The following FRS2 variants were observed in gnomAD, a reference collection of about 807,000 sequenced individuals.
The protein encoded by FRS2 is FGFR signalling adaptor.
In FRS2, 8 loss-of-function variants were observed where a neutral mutation model predicts 43.9. The ratio of observed to expected loss-of-function variants is 0.18; its 90% CI spans 0.11 to 0.33. The LOEUF (loss-of-function observed/expected upper bound fraction) is 0.33, where lower values mean the gene tolerates loss of function less well. FRS2 is among the 10% of genes least tolerant of loss of function. The pLI is 1.00. For synonymous variants in FRS2, 219 were observed against 220.3 expected, an observed-to-expected ratio of 0.99 and a Z score of 0.05; for missense variants, 534 against 627.6, an observed-to-expected ratio of 0.85 and a Z score of 1.59.
chr12:69,553,099 TCTCA>T (rs746361963), intron 3 of FRS2, among the ~76,000 whole-genome samples: 2 of 151,172 alleles, frequency 1.3e-5, no homozygotes, highest in Non-Finnish European at 2.9e-5. Flanking sequence ...GGAGTCTCAG[TCTCA>T]CTCTGTTGCC....
chr12:69,552,408 A>G (rs1218688043), intron 3 of FRS2, among the ~76,000 whole-genome samples: 1 of 151,928 alleles, frequency 6.6e-6, no homozygotes, highest in African/African-American at 2.4e-5. Flanking sequence ...AGTGACCACC[A>G]TACCTGAGGA....
chr12:69,497,523 C>T (rs1196380088), intron 1 of FRS2, among the ~76,000 whole-genome samples: 1 of 152,160 alleles, frequency 6.6e-6, no homozygotes, highest in Non-Finnish European at 1.5e-5. Flanking sequence ...TTCATGAGAG[C>T]AGAGCCATCT....
intron 1 of FRS2, among the ~76,000 whole-genome samples, chr12:69,487,490 G>A (rs931043018): frequency 1.3e-5 from 2 of 152,134 alleles, no homozygotes; most frequent in Admixed American, 1.3e-4. Context: ...GCCCACTGTT[G>A]AGACCTACTG....
chr12:69,524,232 G>T (rs1024293306), intron 1 of FRS2, among the ~76,000 whole-genome samples: 2 of 152,126 alleles, frequency 1.3e-5, no homozygotes, highest in Non-Finnish European at 2.9e-5. Context: ...TATGGTGGGG[G>T]ATAGGGGACG....
At chr12:69,554,473 A>G (rs527968074) in intron 3 of FRS2, among the ~76,000 whole-genome samples, 1 of 152,338 alleles carries the variant, frequency 6.6e-6, no homozygotes, top group South Asian at 2.1e-4. Flanking sequence ...AAAATTTTGT[A>G]GAATAATTTT....
chr12:69,485,111 A>ACACGCG, intron 1 of FRS2, among the ~76,000 whole-genome samples: 1 of 146,988 alleles, frequency 6.8e-6, no homozygotes, highest in South Asian at 2.2e-4. Flanking sequence ...ACACACACAC[A>ACACGCG]CACACACACA....
chr12:69,568,109 A>T (rs1430050873), intron 4 of FRS2, among the ~76,000 whole-genome samples: 1 of 152,040 alleles, frequency 6.6e-6, no homozygotes, highest in Non-Finnish European at 1.5e-5. Flanking sequence ...GCTCAGTTGG[A>T]GTGTTCTTAA....
chr12:69,499,037 A>G (rs1360425784), intron 1 of FRS2, among the ~76,000 whole-genome samples: 1 of 152,148 alleles, frequency 6.6e-6, no homozygotes. Flanking sequence ...CAAATGATGG[A>G]AATATTACTT....
intron 1 of FRS2, among the ~76,000 whole-genome samples, chr12:69,499,439 C>T (rs1334185227): frequency 6.6e-6 from 1 of 152,060 alleles, no homozygotes; most frequent in Non-Finnish European, 1.5e-5. Flanking sequence ...GGAACTTACT[C>T]ATTTCTACCA....
At chr12:69,508,568 A>G (rs1383253857) in intron 1 of FRS2, among the ~76,000 whole-genome samples, 1 of 152,224 alleles carries the variant, frequency 6.6e-6, no homozygotes, top group Non-Finnish European at 1.5e-5. Context: ...TCTTCTGGTT[A>G]CCTTTCTAAA....
intron 1 of FRS2, among the ~76,000 whole-genome samples, chr12:69,474,432 A>C (rs2053261590): frequency 6.6e-6 from 1 of 152,010 alleles, no homozygotes; most frequent in African/African-American, 2.4e-5. Flanking sequence ...GAAAGAAAAA[A>C]AAAACTTCTG....
intron 1 of FRS2, among the ~76,000 whole-genome samples, chr12:69,497,563 C>T (rs915914776): frequency 3.3e-5 from 5 of 152,134 alleles, no homozygotes; most frequent in East Asian, 1.9e-4. Context: ...AAGGCCCTAC[C>T]GCTTAATACC....
In FRS2 at chr12:69,571,446, T is replaced by C. The variant is rs1467648549; in HGVS notation, c.412+12T>C. ...TCGAACACCTACAAGTAAGTACCCC[T>C]TTTCCCTTTCACATTTTGAATAACA... On this transcript the variant is annotated intron_variant, in intron 7 of 8. Coordinates refer to ENST00000549921, the MANE Select transcript of FRS2 (RefSeq NM_001278356.2). 3.1e-6 allele frequency: 5 copies of C among 1,596,552 alleles called. No homozygotes were observed. Among genetic ancestry groups the C allele is most frequent in the South Asian group, 1.1e-5 (1 of 89,940 alleles).
At chr12:69,496,986 CA>C (rs1341755666) in intron 1 of FRS2, among the ~76,000 whole-genome samples, 2 of 152,108 alleles carry the variant, frequency 1.3e-5, no homozygotes, top group African/African-American at 2.4e-5. Flanking sequence ...AATGAGGAAG[CA>C]AAGATATAAA....
chr12:69,522,541 C>A (rs775035660), intron 1 of FRS2, among the ~76,000 whole-genome samples: 7 of 151,960 alleles, frequency 4.6e-5, no homozygotes, highest in African/African-American at 7.2e-5. Flanking sequence ...TTTCAAAAAG[C>A]CAACTCCTGG....
intron 6 of FRS2, among the ~76,000 whole-genome samples, chr12:69,570,955 A>G (rs985604938): frequency 2.6e-4 from 40 of 152,216 alleles, no homozygotes; most frequent in African/African-American, 9.2e-4. Context: ...GGCCTGTTAC[A>G]TGGCAAATGA....
intron 1 of FRS2, among the ~76,000 whole-genome samples, chr12:69,512,157 C>G (rs1044795654): frequency 6.6e-6 from 1 of 152,186 alleles, no homozygotes; most frequent in Non-Finnish European, 1.5e-5. Flanking sequence ...CACCCTCCCT[C>G]CCTGTTCTCT....
At chr12:69,495,511 C>T (rs1309606582) in intron 1 of FRS2, among the ~76,000 whole-genome samples, 1 of 152,120 alleles carries the variant, frequency 6.6e-6, no homozygotes, top group Non-Finnish European at 1.5e-5. Context: ...GCACTAATAC[C>T]TTTTGATTAA....
At chr12:69,511,996 T>C (rs1874505413) in intron 1 of FRS2, among the ~76,000 whole-genome samples, 1 of 152,332 alleles carries the variant, frequency 6.6e-6, no homozygotes, top group Non-Finnish European at 1.5e-5. Flanking sequence ...ACAGCTCCCA[T>C]TGCTTTGTAA....
Sources: allele counts gnomAD v4.1 joint callset (sites outside exome capture counted in the v4.1 genomes callset), GRCh38; gene constraint gnomAD v4.1.1; transcripts MANE v1.5; gene names NCBI Gene and HGNC (gene_info 2026-07-23, HGNC 2026-07-21).